Variants in STAB1 observed in about 807,000 individuals in gnomAD.
STAB1 encodes the protein stabilin 1.
In STAB1, 250 loss-of-function variants were observed where a neutral mutation model predicts 332.4. That is an observed-to-expected ratio of 0.75 (90% CI 0.68 to 0.84). The LOEUF (loss-of-function observed/expected upper bound fraction) is 0.84, where lower values mean the gene tolerates loss of function less well. STAB1 is among the 40% of genes least tolerant of loss of function. STAB1 has a pLI of 0.00. For missense variants in STAB1, 3,249 were observed against 3,489.7 expected (o/e 0.93, Z 1.74); for synonymous variants, 1,475 against 1,390.4 (o/e 1.06, Z -1.35).
At position 52,503,378 on chromosome 3, in the gene STAB1, G is replaced by T; in HGVS notation, c.729G>T (p.Leu243=). ...CCTGCTGGCCATCACCCTGCTCACTGCTGGCCCAGTGCTCGGTGAGCCCCA... is the reference window on the plus strand; with the variant it reads ...CCTGCTGGCCATCACCCTGCTCACTTCTGGCCCAGTGCTCGGTGAGCCCCA... ...PNPCWPSPCS[L]LAQCSVSPKG... Residue 243 remains leucine (L), a synonymous_variant, in exon 8 of 69, where the codon CTG becomes CTT. Transcript: ENST00000321725. 6.2e-7 allele frequency: 1 copy of T among 1,613,426 alleles called. No individual in the cohort carries two copies. Among genetic ancestry groups the T allele is most frequent in the South Asian group, 1.1e-5 (1 of 91,054 alleles).
At chr3:52,516,266 G>GGGGGGGGGGGGC in intron 38 of STAB1, 28 bp downstream of exon 38, 14 of 794,040 alleles carry the variant, frequency 1.8e-5, no homozygotes, top group Non-Finnish European at 2.9e-5. Flanking sequence ...GCGGGGGTGG[G>GGGGGGGGGGGGC]CCTCCTGGCA....
chr3:52,503,987 G>C (rs904882542), intron 9 of STAB1, 41 bp from the exon 10 acceptor site: 1 of 1,609,316 alleles, frequency 6.2e-7, no homozygotes, highest in Non-Finnish European at 8.5e-7. Flanking sequence ...GGTGGGGGGG[G>C]CCTCAGCCTC....
chr3:52,510,402 C>G lies in STAB1; in HGVS notation c.2682C>G (p.Gly894=). The change falls in exon 25 of 69, where the codon GGC becomes GGG. Residue 894 remains glycine (G), a synonymous_variant. Coordinates refer to ENST00000321725, the MANE Select transcript of STAB1 (RefSeq NM_015136.3). ...CCCACCACTGCACATGCCACAAAGGCTGGAGTGGGGATGGCCGCGTCTGTG... is the reference window on the plus strand; with the variant it reads ...CCCACCACTGCACATGCCACAAAGGGTGGAGTGGGGATGGCCGCGTCTGTG... ...LGTHHCTCHK[G]WSGDGRVCVA... is the part of the protein sequence containing the mutation. 5 of 1,614,050 alleles carry G rather than the reference C, an allele frequency of 3.1e-6. No individual in the cohort carries two copies. The highest frequency in any genetic ancestry group is 4.2e-6 in the Non-Finnish European group (5 of 1,180,042).
intron 24 of STAB1, 32 bp downstream of exon 24, chr3:52,510,267 G>C (rs771816550): frequency 5.6e-6 from 9 of 1,613,868 alleles, no homozygotes; most frequent in Non-Finnish European, 7.6e-6. Flanking sequence ...CTGAAGTTCT[G>C]ACCCAGAGGC....
At position 52,509,937 on chromosome 3, in the gene STAB1, G is replaced by T. The variant is rs149823347; in HGVS notation, c.2415G>T (p.Thr805=). The T allele has an allele frequency of 5.6e-6, 9 of 1,612,826 alleles. No homozygotes were observed. Among genetic ancestry groups the T allele is most frequent in the Non-Finnish European group, 7.6e-6 (9 of 1,180,002 alleles). ...PGSGGVCQQG[T]CAPGFSGRFC... ...GTGGGGGGGTGTGCCAGCAGGGCAC[G>T]TGTGCCCCTGGCTTCAGTGGCCGGT... The change falls in exon 23 of 69, where the codon ACG becomes ACT. Residue 805 remains threonine, a synonymous_variant. Coordinates refer to ENST00000321725, the MANE Select transcript of STAB1 (RefSeq NM_015136.3).
chr3:52,499,847 C>A (rs930675295), intron 1 of STAB1, among the ~76,000 whole-genome samples: 1 of 123,056 alleles, frequency 8.1e-6, no homozygotes, highest in Non-Finnish European at 1.6e-5. Context: ...TGCAGTGAGC[C>A]GAGATCCCGC....
At chr3:52,508,221 C>G in intron 20 of STAB1, 52 bp from the exon 21 acceptor site, 1 of 1,545,454 alleles carries the variant, frequency 6.5e-7, no homozygotes, top group Non-Finnish European at 8.8e-7. Flanking sequence ...GCAGCCTGGG[C>G]AGGGAGGGCA....
At position 52,506,928 on chromosome 3, in the gene STAB1, G is replaced by C. The variant is rs977564501; in HGVS notation, c.1989+78G>C. 5 of 1,566,600 alleles carry C rather than the reference G, an allele frequency of 3.2e-6. No individual in the cohort carries two copies. The African/African-American group carries it at 4.0e-5, about 13-fold the overall frequency. On this transcript the variant is annotated intron_variant, in intron 18 of 68. Transcript: ENST00000321725. ...GGAGCGGCAATCCTCTTCCCAGGGA[G>C]AGGCGCTAAGTCAGGGCTGGGCTGA...
chr3:52,508,019 C>T lies in STAB1; in HGVS notation c.2141C>T (p.Thr714Ile), dbSNP rs751850278. 1.2e-6 allele frequency: 2 copies of T among 1,613,384 alleles called. No homozygotes were observed. The highest frequency in any genetic ancestry group is 2.2e-5 in the East Asian group (1 of 44,882). The change falls in exon 20 of 69, where the codon ACC (threonine) becomes ATC (isoleucine). Residue 714 changes from threonine to isoleucine, a missense_variant. By Grantham distance (89) the Thr-to-Ile change is moderately conservative (BLOSUM62 -1). Transcript: ENST00000321725. ...GGCTGTGCCAGCTACTGCAACCAAA[C>T]CATCATGGTAAGCGTGGGCATGGGT... The part of the protein sequence containing the change: ...KKGCASYCNQ[T>I]IMEQGCCKGF...
rs1441551645 is a variant in STAB1 at position 52,521,020 on chromosome 3, C to T, written c.5908+15C>T. 2 of 1,525,092 alleles carry T rather than the reference C, an allele frequency of 1.3e-6. No homozygotes were observed. The highest frequency in any genetic ancestry group is 1.4e-5 in the African/African-American group (1 of 72,082). 94.5% of individuals were successfully genotyped at this position (1,525,092 alleles called of 1,614,324 possible). On this transcript the variant is annotated intron_variant, in intron 55 of 68. Coordinates refer to ENST00000321725, the MANE Select transcript of STAB1 (RefSeq NM_015136.3). ...TGAGTGCCAAGGTGAGCATTGCAGA[C>T]ACTGTTGACTAGCTCCTCTGTTCCC...
chr3:52,499,898 CAAAAAAAAA>C (rs4045133), intron 1 of STAB1, among the ~76,000 whole-genome samples: 1 of 37,042 alleles, frequency 2.7e-5, no homozygotes, highest in Non-Finnish European at 4.4e-5. Context: ...GACTCCATCT[CAAAAAAAAA>C]AAAAAAAAAA....
At position 52,507,615 on chromosome 3, in the gene STAB1, C is replaced by T; in HGVS notation, c.1992C>T (p.Gly664=). The change falls in exon 19 of 69, where the codon GGC becomes GGT. Residue 664 remains glycine, a splice_region_variant and synonymous_variant. Transcript: ENST00000321725. ...CSEEQHKIVA[G]SCVDCQALNT... ...CATCCTGCCCCTGCCCTGCCCAGGGCTCCTGTGTGGACTGCCAAGCCCTGA... is the reference window on the plus strand; with the variant it reads ...CATCCTGCCCCTGCCCTGCCCAGGGTTCCTGTGTGGACTGCCAAGCCCTGA... 1 of 1,613,640 alleles carries T rather than the reference C, an allele frequency of 6.2e-7. No individual in the cohort carries two copies. The highest frequency in any genetic ancestry group is 8.5e-7 in the Non-Finnish European group (1 of 1,179,964).
In STAB1 at chr3:52,519,698, G is replaced by A. The variant is rs2079009633; in HGVS notation, c.5235+134G>A. 5.2e-6 allele frequency: 7 copies of A among 1,341,360 alleles called. No homozygotes were observed. The Admixed American group carries it at 1.0e-4, about 20-fold the overall frequency. 83.1% of individuals were successfully genotyped at this position (1,341,360 alleles called of 1,614,324 possible). Reference sequence around the variant, plus strand: ...CGTGTGAGCCTGTGTGAACTCATGTGTGCACAAGCCACATCTGTGTGCATG... The same window carrying A: ...CGTGTGAGCCTGTGTGAACTCATGTATGCACAAGCCACATCTGTGTGCATG... On this transcript the variant is annotated intron_variant, in intron 50 of 68. Coordinates refer to ENST00000321725, the MANE Select transcript of STAB1 (RefSeq NM_015136.3).
intron 47 of STAB1, 40 bp downstream of exon 47, chr3:52,518,653 C>T (rs1179038479): frequency 1.2e-6 from 2 of 1,611,326 alleles, no homozygotes; most frequent in South Asian, 1.1e-5. Context: ...GGGCTGGGTG[C>T]TCTGGTGGTG....
chr3:52,510,629 C>T (rs2153233476), intron 25 of STAB1, 122 bp downstream of exon 25: 2 of 1,290,680 alleles, frequency 1.5e-6, no homozygotes, highest in South Asian at 3.0e-5. Context: ...CAGATGAGAA[C>T]CCAGTGCTGA....
intron 43 of STAB1, 39 bp downstream of exon 43, chr3:52,517,432 G>T: frequency 6.3e-7 from 1 of 1,577,162 alleles, no homozygotes; most frequent in Non-Finnish European, 8.6e-7. Flanking sequence ...ATCATGCCAT[G>T]CCCTCACAGG....
chr3:52,497,474 G>A (rs193020597), intron 1 of STAB1, among the ~76,000 whole-genome samples: 9 of 142,578 alleles, frequency 6.3e-5, no homozygotes, highest in Admixed American at 1.5e-4. Flanking sequence ...TTACAGTGGC[G>A]CTATCTCAGC....
Position 52,523,685 on chromosome 3 carries a change from G to A in STAB1, c.7324G>A (p.Val2442Met), listed in dbSNP as rs2079160058. 2 of 1,612,224 alleles carry A rather than the reference G, an allele frequency of 1.2e-6. No individual in the cohort carries two copies. Among genetic ancestry groups the A allele is most frequent in the South Asian group, 1.1e-5 (1 of 91,074 alleles). ...GACAGTTGTGGTTAGCCGTATCATTGTGTGGGACATCATGGCCTTCAATGG... is the reference window on the plus strand; with the variant it reads ...GACAGTTGTGGTTAGCCGTATCATTATGTGGGACATCATGGCCTTCAATGG... ...PGTVVVSRII[V>M]WDIMAFNGII... Residue 2442 changes from valine to methionine, a missense_variant, in exon 66 of 69, where the codon GTG (valine) becomes ATG (methionine). Val to Met is a conservative substitution (Grantham distance 21). Transcript: ENST00000321725.
chr3:52,514,703 T>C lies in STAB1; in HGVS notation c.3681T>C (p.Pro1227=). The change falls in exon 35 of 69, where the codon CCT becomes CCC. Residue 1227 remains proline (P), a splice_region_variant and synonymous_variant. Coordinates refer to ENST00000321725, the MANE Select transcript of STAB1 (RefSeq NM_015136.3). ...TCAGCCTCCATCCCTCTCCCCAGCCTGAGGTGAACCATGTGCCACTGGAAG... is the reference window on the plus strand; with the variant it reads ...TCAGCCTCCATCCCTCTCCCCAGCCCGAGGTGAACCATGTGCCACTGGAAG... ...WIVFYNHSGQ[P]EVNHVPLEGP... The C allele has an allele frequency of 6.2e-7, 1 of 1,613,040 alleles. No individual in the cohort carries two copies. The highest frequency in any genetic ancestry group is 8.5e-7 in the Non-Finnish European group (1 of 1,179,952).
Sources: allele counts gnomAD v4.1 joint callset (sites outside exome capture counted in the v4.1 genomes callset), GRCh38; gene constraint gnomAD v4.1.1; transcripts MANE v1.5; gene names NCBI Gene and HGNC (gene_info 2026-07-23, HGNC 2026-07-21).